Variants in RHBDF1 observed in about 807,000 individuals in gnomAD.
RHBDF1 encodes the protein inactive rhomboid protein 1.
RHBDF1 carries 80 observed loss-of-function variants against 98.6 expected under a neutral mutation model. The ratio of observed to expected loss-of-function variants is 0.81; its 90% CI spans 0.68 to 0.98. The LOEUF (loss-of-function observed/expected upper bound fraction) is 0.98, where lower values mean the gene tolerates loss of function less well. Ranked by LOEUF, RHBDF1 falls within the 50% of genes least tolerant of loss-of-function variation. RHBDF1 has a pLI of 0.00. For synonymous variants in RHBDF1, 512 were observed against 486.8 expected (o/e 1.05, Z -0.68); for missense variants, 1,116 against 1,198.3 (o/e 0.93, Z 1.01).
Position 61,167 on chromosome 16 carries a change from G to T in RHBDF1, c.1510C>A (p.Arg504Ser). The change falls in exon 11 of 18, where the codon CGC (arginine) becomes AGC (serine). Residue 504 changes from arginine (R) to serine (S), a missense_variant. By Grantham distance (110) the Arg-to-Ser change is moderately radical. Transcript: ENST00000262316. ...TGCACGCAGCCCGACCTGTCGTTGC[G>T]CACGCAGCAGGCGGAGTGCTTCTCG... ...EREKHSACCV[R>S]NDRSGCVQTS... 1 of 1,539,958 alleles carries T rather than the reference G, an allele frequency of 6.5e-7. No individual in the cohort carries two copies. The highest frequency in any genetic ancestry group is 1.4e-5 in the African/African-American group (1 of 73,144).
intron 11 of RHBDF1, chr16:60,768 C>G (rs746905478): frequency 9.3e-5 from 54 of 577,770 alleles, no homozygotes; most frequent in Middle Eastern, 9.0e-4. Context: ...AATCAGGGAA[C>G]TGGTATGGAC....
chr16:76,098 C>A (rs1022855887), upstream of RHBDF1, among the ~76,000 whole-genome samples: 27 of 152,162 alleles, frequency 1.8e-4, no homozygotes, highest in Admixed American at 5.2e-4. Flanking sequence ...GGCTGCTCAC[C>A]CCAGCACCAA....
At chr16:70,904 C>T (rs999811339) in intron 1 of RHBDF1, among the ~76,000 whole-genome samples, 5 of 152,220 alleles carry the variant, frequency 3.3e-5, no homozygotes, top group East Asian at 1.9e-4. Context: ...CCCCCAAAAT[C>T]GTCCAACTCA....
intron 7 of RHBDF1, chr16:62,307 G>T: frequency 1.4e-6 from 1 of 728,950 alleles, no homozygotes; most frequent in South Asian, 1.9e-5. Context: ...GTTGGATTCT[G>T]CCCAGCCCCT....
At chr16:66,871 A>C (rs1259393050) in intron 1 of RHBDF1, among the ~76,000 whole-genome samples, 2 of 152,216 alleles carry the variant, frequency 1.3e-5, no homozygotes, top group East Asian at 3.8e-4. Context: ...AGAGCCCCAG[A>C]GTGCAACAGG....
chr16:59,857 G>A, intron 13 of RHBDF1, 31 bp from the exon 14 acceptor site: 2 of 1,613,904 alleles, frequency 1.2e-6, no homozygotes, highest in East Asian at 2.2e-5. Context: ...AGCTGAGTCA[G>A]GGCCTCCCCC....
In RHBDF1 at chr16:61,191, C is replaced by A; in HGVS notation, c.1486G>T (p.Glu496Ter). The change falls in exon 11 of 18, where the codon GAG becomes TAG. Residue 496 changes from glutamate (E) to a stop codon, truncating the protein, a stop_gained. Transcript: ENST00000262316. LOFTEE classifies it high-confidence loss of function. ...CGCACGCAGCAGGCGGAGTGCTTCT[C>A]GCGCTCGCGCGCCGAGCGAATGAAG... ...HSFIRSARER[E>*]KHSACCVRND... is the part of the protein sequence containing the mutation. 6.5e-7 allele frequency: 1 copy of A among 1,542,634 alleles called. No homozygotes were observed. The highest frequency in any genetic ancestry group is 1.4e-5 in the African/African-American group (1 of 73,128).
chr16:68,737 G>T (rs1237649089), intron 1 of RHBDF1, among the ~76,000 whole-genome samples: 4 of 152,224 alleles, frequency 2.6e-5, no homozygotes, highest in Admixed American at 2.6e-4. Flanking sequence ...CATGCATGCT[G>T]ACGTCCCCTC....
At chr16:68,666 G>GC (rs397949776) in intron 1 of RHBDF1, among the ~76,000 whole-genome samples, 1 of 151,988 alleles carries the variant, frequency 6.6e-6, no homozygotes, top group Non-Finnish European at 1.5e-5. Flanking sequence ...AGCTGGGGGG[G>GC]CTGCGGGCAG....
At chr16:66,780 C>T (rs899448446) in intron 1 of RHBDF1, among the ~76,000 whole-genome samples, 3 of 152,200 alleles carry the variant, frequency 2.0e-5, no homozygotes, top group African/African-American at 7.2e-5. Context: ...CTGGCCCATA[C>T]TTGGCCTGGA....
At position 61,647 on chromosome 16, in the gene RHBDF1, G is replaced by A. The variant is rs1329446168; in HGVS notation, c.1258C>T (p.Leu420=). The A allele has an allele frequency of 6.2e-7, 1 of 1,613,410 alleles. No homozygotes were observed. The highest frequency in any genetic ancestry group is 8.5e-7 in the Non-Finnish European group (1 of 1,179,934). ...LTFVHSLVTI[L]AVCIYGIAPV... ...GCGATGCCATAGATGCACACGGCTA[G>A]GATGGTGACGAGCGAGTGCACGAAG... The change falls in exon 9 of 18, where the codon CTA becomes TTA. Residue 420 remains leucine, a synonymous_variant. Transcript: ENST00000262316.
chr16:58,930 G>A (rs1379778456), intron 17 of RHBDF1, 44 bp downstream of exon 17: 1 of 1,605,630 alleles, frequency 6.2e-7, no homozygotes, highest in African/African-American at 1.3e-5. Context: ...ACAGCAGGCT[G>A]CAGGTGCACA....
chr16:59,855 C>T, intron 13 of RHBDF1, 29 bp from the exon 14 acceptor site: 1 of 1,613,906 alleles, frequency 6.2e-7, no homozygotes, highest in South Asian at 1.1e-5. Context: ...CGAGCTGAGT[C>T]AGGGCCTCCC....
At chr16:70,927 G>A (rs894487205) in intron 1 of RHBDF1, among the ~76,000 whole-genome samples, 3 of 152,228 alleles carry the variant, frequency 2.0e-5, no homozygotes, top group Non-Finnish European at 4.4e-5. Flanking sequence ...AAAAAAGGCA[G>A]AAGCCAAGGA....
chr16:60,607 G>A (rs1897574274), intron 11 of RHBDF1, 68 bp from the exon 12 acceptor site: 1 of 1,217,412 alleles, frequency 8.2e-7, no homozygotes, highest in South Asian at 1.2e-5. Flanking sequence ...AGGGAGTCAG[G>A]AGTCGAAGGC....
chr16:72,958 G>C (rs968691948), upstream of RHBDF1, among the ~76,000 whole-genome samples: 1 of 152,086 alleles, frequency 6.6e-6, no homozygotes, highest in South Asian at 2.1e-4. Flanking sequence ...GAGCAGGCAC[G>C]GGGTAAAGGG....
rs1897580047 is a variant in RHBDF1, at chr16:60,752, G to A, written c.1558-213C>T. ...GCTGAAAATCAGAAACAACCTCTGT[G>A]TCCTAAATCAGGGAACTGGTATGGA... On this transcript the variant is annotated intron_variant, in intron 11 of 17. Transcript: ENST00000262316. 3.1e-5 allele frequency: 18 copies of A among 584,032 alleles called. No homozygotes were observed. The East Asian group carries it at 5.1e-4, about 16-fold the overall frequency. The allele number at this position is 584,032 out of a possible 1,614,324, so 36.2% of individuals were successfully genotyped here. A position where few individuals can be genotyped will look rare whatever the true frequency, so the allele number is the denominator to read the frequency against.
chr16:66,780 C>G (rs899448446), intron 1 of RHBDF1, among the ~76,000 whole-genome samples: 1 of 152,200 alleles, frequency 6.6e-6, no homozygotes, highest in African/African-American at 2.4e-5. Context: ...CTGGCCCATA[C>G]TTGGCCTGGA....
At chr16:65,470 G>A (rs993273837) in intron 1 of RHBDF1, among the ~76,000 whole-genome samples, 1 of 152,236 alleles carries the variant, frequency 6.6e-6, no homozygotes, top group Admixed American at 6.5e-5. Context: ...ACAGGAGGCA[G>A]TGAGGCCTCC....
Sources: gnomAD v4.1 joint callset for allele counts (sites outside exome capture counted in the v4.1 genomes callset) on GRCh38, gnomAD v4.1.1 for gene constraint, MANE v1.5 for transcripts, NCBI Gene and HGNC (gene_info 2026-07-23, HGNC 2026-07-21) for gene names.